PLD5: variants seen among roughly 807,000 people sequenced by gnomAD.
PLD5 encodes inactive phospholipase D5.
A neutral mutation model predicts 61.1 loss-of-function variants in PLD5; 36 were observed. The observed-to-expected ratio is 0.59, with a 90% CI of 0.45 to 0.78. The LOEUF (loss-of-function observed/expected upper bound fraction) is 0.78. Ranked by LOEUF, PLD5 falls within the 30% of genes least tolerant of loss-of-function variation. The pLI, the probability that PLD5 is intolerant of heterozygous loss-of-function variation, is 0.00. For synonymous variants in PLD5, 243 were observed against 242.8 expected, an observed-to-expected ratio of 1.00 and a Z score of -0.01; for missense variants, 515 against 644.4, an observed-to-expected ratio of 0.80 and a Z score of 2.17.
At chr1:242,172,500 T>C (rs1488416634) in intron 5 of PLD5, among the ~76,000 whole-genome samples, 1 of 151,924 alleles carries the variant, frequency 6.6e-6, no homozygotes, top group Non-Finnish European at 1.5e-5. Flanking sequence ...ATTCAAAAGC[T>C]AGCAGAAGAC....
intron 6 of PLD5, among the ~76,000 whole-genome samples, chr1:242,118,333 G>A (rs987928945): frequency 6.6e-6 from 1 of 152,190 alleles, no homozygotes; most frequent in African/African-American, 2.4e-5. Flanking sequence ...CCTCTTCTGT[G>A]CGTGCTTTCA....
At chr1:242,479,791 C>T (rs1667709722) in intron 1 of PLD5, among the ~76,000 whole-genome samples, 1 of 151,996 alleles carries the variant, frequency 6.6e-6, no homozygotes, top group Admixed American at 6.6e-5. Context: ...CGCCTGTAAT[C>T]CCAGCACTTT....
intron 1 of PLD5, among the ~76,000 whole-genome samples, chr1:242,391,393 A>T (rs1183845362): frequency 3.3e-5 from 5 of 152,058 alleles, no homozygotes; most frequent in East Asian, 1.9e-4. Flanking sequence ...CAAATGGAAA[A>T]TTTTTTCCTA....
At chr1:242,411,947 A>G (rs1444147429) in intron 1 of PLD5, among the ~76,000 whole-genome samples, 1 of 151,884 alleles carries the variant, frequency 6.6e-6, no homozygotes, top group Non-Finnish European at 1.5e-5. Flanking sequence ...AAAAAGAAAA[A>G]AAAAGGAGAG....
intron 1 of PLD5, among the ~76,000 whole-genome samples, chr1:242,387,669 CTATTTTATATAAAATTTTATCTA>C (rs1558518186): frequency 7.0e-6 from 1 of 142,158 alleles, no homozygotes; most frequent in Non-Finnish European, 1.5e-5. Flanking sequence ...AAAATTTTAT[CTATTTTATATAAAATTTTATCTA>C]TTTTATATAA....
chr1:242,493,168 T>A (rs897317203), intron 1 of PLD5, among the ~76,000 whole-genome samples: 1 of 152,222 alleles, frequency 6.6e-6, no homozygotes, highest in African/African-American at 2.4e-5. Flanking sequence ...TATATTCTAT[T>A]CAGAATGTCT....
intron 3 of PLD5, among the ~76,000 whole-genome samples, chr1:242,276,484 G>C (rs554134214): frequency 1.1e-4 from 15 of 140,026 alleles, no homozygotes; most frequent in Non-Finnish European, 2.2e-4. Flanking sequence ...AAAGAATCCA[G>C]GTATTGTTTA....
At position 242,360,307 on chromosome 1, in the gene PLD5, A is replaced by G. The variant is rs1660995554; in HGVS notation, c.190-12065T>C. ...TTCATTTGTGAACATTAAAAGGATC[A>G]TGATAAATACACCCTAATGAAAAAA... On this transcript the variant is annotated intron_variant, in intron 1 of 9. Coordinates refer to ENST00000536534, the MANE Select transcript of PLD5 (RefSeq NM_001372062.1). 2.0e-5 allele frequency among the ~76,000 whole-genome samples: 3 copies of G among 152,292 alleles called. No homozygotes were observed. In the South Asian group the frequency reaches 6.2e-4, roughly 32 times the overall value.
At chr1:242,516,817 A>G (rs113104273) in intron 1 of PLD5, among the ~76,000 whole-genome samples, 6 of 152,232 alleles carry the variant, frequency 3.9e-5, no homozygotes, top group Non-Finnish European at 8.8e-5. Context: ...ATTGCCATAT[A>G]AATTTTAGAA....
chr1:242,362,387 T>C (rs1192241882), intron 1 of PLD5, among the ~76,000 whole-genome samples: 1 of 152,228 alleles, frequency 6.6e-6, no homozygotes, highest in Non-Finnish European at 1.5e-5. Context: ...CATTTTCTTT[T>C]TGATTTCTTC....
intron 3 of PLD5, among the ~76,000 whole-genome samples, chr1:242,274,787 A>G (rs940004599): frequency 5.1e-4 from 77 of 152,178 alleles, no homozygotes; most frequent in Non-Finnish European, 1.0e-3. Flanking sequence ...TCTATGGCCA[A>G]CAGACATAGG....
intron 1 of PLD5, among the ~76,000 whole-genome samples, chr1:242,522,710 A>C (rs560806431): frequency 5.9e-5 from 9 of 152,300 alleles, no homozygotes; most frequent in African/African-American, 1.2e-4. Flanking sequence ...TAAACTAATA[A>C]CACCACCAGC....
chr1:242,455,763 G>T (rs1169916489), intron 1 of PLD5, among the ~76,000 whole-genome samples: 12 of 152,216 alleles, frequency 7.9e-5, no homozygotes, highest in Admixed American at 7.9e-4. Context: ...GCTGTGTAAG[G>T]TGTCTTAAAG....
intron 4 of PLD5, among the ~76,000 whole-genome samples, chr1:242,240,327 T>C (rs913486693): frequency 1.3e-5 from 2 of 152,218 alleles, no homozygotes; most frequent in African/African-American, 4.8e-5. Flanking sequence ...TTGATTTAAT[T>C]ATCCATCTCC....
chr1:242,356,960 T>C (rs1312763619), intron 1 of PLD5, among the ~76,000 whole-genome samples: 1 of 151,952 alleles, frequency 6.6e-6, no homozygotes, highest in African/African-American at 2.4e-5. Flanking sequence ...TTATGTTACA[T>C]ACCATGATTA....
At chr1:242,249,014 G>T (rs71498890) in intron 4 of PLD5, among the ~76,000 whole-genome samples, 5 of 152,288 alleles carry the variant, frequency 3.3e-5, no homozygotes, top group Non-Finnish European at 7.4e-5. Flanking sequence ...CGGGTGTGGT[G>T]GTGCAGGCCT....
At chr1:242,232,888 C>T (rs1168271058) in intron 4 of PLD5, among the ~76,000 whole-genome samples, 7 of 151,796 alleles carry the variant, frequency 4.6e-5, no homozygotes, top group Non-Finnish European at 8.8e-5. Context: ...GGTGCGGTGG[C>T]TCACACCTGT....
intron 1 of PLD5, among the ~76,000 whole-genome samples, chr1:242,437,569 C>T (rs768431848): frequency 2.0e-5 from 3 of 151,930 alleles, no homozygotes; most frequent in Non-Finnish European, 2.9e-5. Context: ...TGGTGGTGTG[C>T]GCCTGTAATC....
At chr1:242,203,978 T>C (rs1490035657) in intron 5 of PLD5, among the ~76,000 whole-genome samples, 1 of 152,152 alleles carries the variant, frequency 6.6e-6, no homozygotes, top group African/African-American at 2.4e-5. Flanking sequence ...GGCTCACGCC[T>C]GTAATCCCAG....
Sources: allele counts gnomAD v4.1 joint callset (sites outside exome capture counted in the v4.1 genomes callset), GRCh38; gene constraint gnomAD v4.1.1; transcripts MANE v1.5; gene names NCBI Gene and HGNC (gene_info 2026-07-23, HGNC 2026-07-21).